PILRB: variants seen among roughly 807,000 people sequenced by gnomAD.
PILRB encodes the protein paired immunoglobin like type 2 receptor beta, also known as paired immunoglobulin-like type 2 receptor beta.
In PILRB, 21 loss-of-function variants were observed where a neutral mutation model predicts 20.5. The observed-to-expected ratio is 1.02, with a 90% CI of 0.72 to 1.47. The LOEUF (loss-of-function observed/expected upper bound fraction) is 1.47, where lower values mean the gene tolerates loss of function less well. PILRB is among the 40% of genes most tolerant of loss of function. PILRB has a pLI of 0.00. For missense variants in PILRB, 253 were observed against 272.1 expected (o/e 0.93, Z 0.49); for synonymous variants, 133 against 115.1 (o/e 1.16, Z -0.99).
chr7:100,366,702 G>A (rs540608794), intron 3 of PILRB, among the ~76,000 whole-genome samples: 73 of 152,038 alleles, frequency 4.8e-4, no homozygotes, highest in African/African-American at 1.6e-3. Flanking sequence ...CCACAGGCGC[G>A]GTCTCCCTGA....
intron 3 of PILRB, 57 bp downstream of exon 3, chr7:100,359,594 C>A: frequency 2.1e-6 from 3 of 1,446,746 alleles, no homozygotes; most frequent in Non-Finnish European, 2.9e-6. Context: ...TTTCTCTGAG[C>A]CCACCTGCAG....
chr7:100,358,889 C>T lies in PILRB; in HGVS notation c.264C>T (p.Ser88=). Residue 88 remains serine (S), a synonymous_variant, in exon 2 of 4, where the codon TCC becomes TCT. Transcript: ENST00000609309. ...CCTTCTACAGCACAAGGCCGCCTTC[C>T]ATTCACAAGGATTATGTGAACCGGC... ...GQSFYSTRPP[S]IHKDYVNRLF... is the part of the protein sequence containing the mutation. 6.2e-7 allele frequency: 1 copy of T among 1,614,174 alleles called. No homozygotes were observed. Among genetic ancestry groups the T allele is most frequent in the Non-Finnish European group, 8.5e-7 (1 of 1,180,034 alleles).
Position 100,367,503 on chromosome 7 carries a change from A to G in PILRB, c.*126A>G, listed in dbSNP as rs1292350353. On this transcript the variant is annotated 3_prime_UTR_variant, in exon 4 of 4. Coordinates refer to ENST00000609309, the MANE Select transcript of PILRB (RefSeq NM_178238.4). ...ATGGAGAGCACCCTGAGGACCTTTA[A>G]AAGGCAAAGCCGCAAGGCAGAAGGA... 1 of 715,736 alleles carries G rather than the reference A, an allele frequency of 1.4e-6. No homozygotes were observed. The highest frequency in any genetic ancestry group is 1.7e-5 in the African/African-American group (1 of 57,220). The allele number at this position is 715,736 out of a possible 1,614,324, so 44.3% of individuals were successfully genotyped here.
chr7:100,365,252 G>A (rs536612894), intron 3 of PILRB, among the ~76,000 whole-genome samples: 8 of 152,178 alleles, frequency 5.3e-5, no homozygotes, highest in East Asian at 1.9e-4. Flanking sequence ...CACCCACCTC[G>A]GCCTTCCAAA....
rs1790730111 is a variant in PILRB, at chr7:100,367,445, GTCC to G, written c.*72_*74del. 9 of 776,536 alleles carry G rather than the reference GTCC, an allele frequency of 1.2e-5. No homozygotes were observed. The Admixed American group carries it at 1.4e-4, about 12-fold the overall frequency. The allele number at this position is 776,536 out of a possible 1,614,324, so 48.1% of individuals were successfully genotyped here. A position where few individuals can be genotyped will look rare whatever the true frequency, so the allele number is the denominator to read the frequency against. ...GACGTGATGTGAGACCCGCTTGTGA[GTCC>G]TCCACACTCGTTCCCCATTGGCAAG... On this transcript the variant is annotated 3_prime_UTR_variant, in exon 4 of 4. Transcript: ENST00000609309.
rs1194354393 is a variant in PILRB, at chr7:100,367,471, A to G, written c.*94A>G. 2.6e-6 allele frequency: 2 copies of G among 765,740 alleles called. No individual in the cohort carries two copies. The highest frequency in any genetic ancestry group is 3.4e-5 in the African/African-American group (2 of 58,882). The allele number at this position is 765,740 out of a possible 1,614,324, so 47.4% of individuals were successfully genotyped here. A position where few individuals can be genotyped will look rare whatever the true frequency, so the allele number is the denominator to read the frequency against. On this transcript the variant is annotated 3_prime_UTR_variant, in exon 4 of 4. Coordinates refer to ENST00000609309, the MANE Select transcript of PILRB (RefSeq NM_178238.4). ...TCCTCCACACTCGTTCCCCATTGGC[A>G]AGATACATGGAGAGCACCCTGAGGA...
At chr7:100,366,834 G>A (rs539057398) in intron 3 of PILRB, among the ~76,000 whole-genome samples, 1 of 152,116 alleles carries the variant, frequency 6.6e-6, no homozygotes, top group Non-Finnish European at 1.5e-5. Context: ...GCTCAAGAGC[G>A]AAGGAAGCCA....
At chr7:100,364,750 C>G (rs1255240773) in intron 3 of PILRB, among the ~76,000 whole-genome samples, 1 of 152,166 alleles carries the variant, frequency 6.6e-6, no homozygotes, top group African/African-American at 2.4e-5. Context: ...TGTTTGCACA[C>G]CGATGTTTGT....
Position 100,359,357 on chromosome 7 carries a change from T to C in PILRB, c.475T>C (p.Trp159Arg). 1 of 1,614,116 alleles carries C rather than the reference T, an allele frequency of 6.2e-7. No homozygotes were observed. Among genetic ancestry groups the C allele is most frequent in the Non-Finnish European group, 8.5e-7 (1 of 1,180,020 alleles). ...ITQAVTTTTT[W>R]RPSSTTTIAG... ...TCCAGCTGTCACAACCACCACCACC[T>C]GGAGGCCCAGCAGCACAACCACCAT... is the stretch of plus-strand genomic sequence containing the variant. The change falls in exon 3 of 4, where the codon TGG becomes CGG. Residue 159 changes from tryptophan to arginine, a missense_variant. Transcript: ENST00000609309.
intron 3 of PILRB, among the ~76,000 whole-genome samples, chr7:100,359,761 A>G (rs112187450): frequency 0.04 from 6,038 of 152,224 alleles, 422 homozygotes; most frequent in African/African-American, 0.14. Flanking sequence ...GCGGTGGCTC[A>G]TGCCTGTAAT....
intron 1 of PILRB, 78 bp downstream of exon 1, chr7:100,358,444 C>A: frequency 1.3e-6 from 2 of 1,542,736 alleles, no homozygotes; most frequent in South Asian, 2.3e-5. Flanking sequence ...GGCAGAACAT[C>A]TGGGGCAGGG....
intron 3 of PILRB, among the ~76,000 whole-genome samples, chr7:100,363,033 C>CAAAA (rs1790575252): frequency 6.6e-6 from 1 of 151,738 alleles, no homozygotes; most frequent in East Asian, 1.9e-4. Flanking sequence ...GTGGCTCACA[C>CAAAA]CTGTAATCCC....
chr7:100,364,230 A>G (rs1563110336), intron 3 of PILRB, among the ~76,000 whole-genome samples: 1 of 152,236 alleles, frequency 6.6e-6, no homozygotes, highest in Non-Finnish European at 1.5e-5. Flanking sequence ...TCGACGAAGA[A>G]TAGTTTCTTC....
At chr7:100,366,699 C>T (rs1482733747) in intron 3 of PILRB, among the ~76,000 whole-genome samples, 9 of 151,408 alleles carry the variant, frequency 5.9e-5, no homozygotes, top group South Asian at 4.2e-4. Flanking sequence ...AAACCACAGG[C>T]GCGGTCTCCC....
chr7:100,362,478 T>C (rs561542702), intron 3 of PILRB, among the ~76,000 whole-genome samples: 2 of 151,426 alleles, frequency 1.3e-5, no homozygotes, highest in South Asian at 2.1e-4. Context: ...TCTCAACTGA[T>C]ACAGAAAAAA....
intron 3 of PILRB, among the ~76,000 whole-genome samples, chr7:100,362,553 G>T (rs758498337): frequency 1.3e-5 from 2 of 151,712 alleles, no homozygotes; most frequent in Admixed American, 6.6e-5. Flanking sequence ...CTGTTGCCCA[G>T]CCTGGAGTGC....
At chr7:100,358,661 C>CT (rs1563108243) in intron 1 of PILRB, 29 bp from the exon 2 acceptor site, 5 of 1,607,932 alleles carry the variant, frequency 3.1e-6, no homozygotes, top group African/African-American at 2.7e-5. Flanking sequence ...TTCAAGGTCT[C>CT]TCCCCCACTC....
rs183553926 is a variant in PILRB at position 100,358,713 on chromosome 7, A to T, written c.88A>T (p.Ser30Cys). Reference sequence around the variant, plus strand: ...AGGTGGCTCCACAGGATCTGGTCCAAGCTACCTTTATGGGGTCACTCAACC... The same window carrying T: ...AGGTGGCTCCACAGGATCTGGTCCATGCTACCTTTATGGGGTCACTCAACC... ...QPGGSTGSGP[S>C]YLYGVTQPKH... is the part of the protein sequence containing the mutation. The change falls in exon 2 of 4, where the codon AGC becomes TGC. Residue 30 changes from serine (S) to cysteine (C), a missense_variant. Ser to Cys is a moderately radical substitution (Grantham distance 112). Transcript: ENST00000609309. 3.1e-5 allele frequency: 50 copies of T among 1,613,878 alleles called. No homozygotes were observed. The East Asian group carries it at 1.0e-3, about 32-fold the overall frequency.
At chr7:100,366,728 G>A (rs1790699691) in intron 3 of PILRB, among the ~76,000 whole-genome samples, 2 of 151,894 alleles carry the variant, frequency 1.3e-5, no homozygotes, top group Non-Finnish European at 2.9e-5. Context: ...TGGAGGGAGA[G>A]GTGGGGGTGC....
Sources: gnomAD v4.1 joint callset for allele counts (sites outside exome capture counted in the v4.1 genomes callset) on GRCh38, gnomAD v4.1.1 for gene constraint, MANE v1.5 for transcripts, NCBI Gene and HGNC (gene_info 2026-07-23, HGNC 2026-07-21) for gene names.